The following OSBPL10 variants were observed in gnomAD, a reference collection of about 807,000 sequenced individuals.
OSBPL10 encodes oxysterol-binding protein-related protein 10.
Under a neutral mutation model 81.7 loss-of-function variants are expected in OSBPL10, and 49 were observed. That is an observed-to-expected ratio of 0.60 (90% CI 0.48 to 0.76). The LOEUF (loss-of-function observed/expected upper bound fraction) is 0.76, where lower values mean the gene tolerates loss of function less well. Ranked by LOEUF, OSBPL10 falls within the 30% of genes least tolerant of loss-of-function variation. OSBPL10 has a pLI of 0.00. For missense variants in OSBPL10, 923 were observed against 987.8 expected (o/e 0.93, Z 0.88); for synonymous variants, 419 against 383.6 (o/e 1.09, Z -1.08).
chr3:31,740,857 T>TTATACATATATA (rs1697322901), intron 5 of OSBPL10, among the ~76,000 whole-genome samples: 2 of 136,390 alleles, frequency 1.5e-5, no homozygotes, highest in Non-Finnish European at 1.5e-5. Context: ...CTACTAGAAT[T>TTATACATATATA]TATATATATA....
chr3:31,816,008 G>C (rs541466259), intron 4 of OSBPL10, among the ~76,000 whole-genome samples: 2 of 152,250 alleles, frequency 1.3e-5, no homozygotes, highest in East Asian at 3.9e-4. Context: ...AGCATCAAAG[G>C]CACCTAAGAC....
intron 8 of OSBPL10, among the ~76,000 whole-genome samples, chr3:31,682,890 G>C (rs1412200907): frequency 6.6e-6 from 1 of 152,056 alleles, no homozygotes; most frequent in Non-Finnish European, 1.5e-5. Context: ...TATCTCATGG[G>C]GTTTTGGAAG....
At chr3:31,789,604 G>A (rs1011999095) in intron 4 of OSBPL10, among the ~76,000 whole-genome samples, 6 of 152,196 alleles carry the variant, frequency 3.9e-5, no homozygotes, top group Admixed American at 3.3e-4. Flanking sequence ...CTGCCAGGCA[G>A]GGGCACTGCC....
At chr3:32,022,524 G>A (rs1699370502) in intron 2 of OSBPL10, among the ~76,000 whole-genome samples, 1 of 152,110 alleles carries the variant, frequency 6.6e-6, no homozygotes, top group Non-Finnish European at 1.5e-5. Flanking sequence ...GGTGGCTCAC[G>A]CCTGTAATCC....
chr3:32,008,760 GAAAAAA>G (rs11328847), intron 2 of OSBPL10, among the ~76,000 whole-genome samples: 1 of 114,526 alleles, frequency 8.7e-6, no homozygotes, highest in African/African-American at 3.1e-5. Flanking sequence ...ATCCTGACTG[GAAAAAA>G]AAAAAAAAAA....
intron 4 of OSBPL10, among the ~76,000 whole-genome samples, chr3:31,799,419 A>G (rs1475967951): frequency 1.3e-5 from 2 of 151,710 alleles, no homozygotes; most frequent in East Asian, 1.9e-4. Flanking sequence ...GAAGAAAGAA[A>G]GAACAAGAAT....
At chr3:31,849,195 T>G (rs1700703045) in intron 3 of OSBPL10, among the ~76,000 whole-genome samples, 2 of 152,212 alleles carry the variant, frequency 1.3e-5, no homozygotes, top group South Asian at 2.1e-4. Flanking sequence ...CCTGACCCAC[T>G]TGTCCACTGA....
intron 3 of OSBPL10, among the ~76,000 whole-genome samples, chr3:31,831,113 C>G (rs1482619860): frequency 6.6e-6 from 1 of 152,004 alleles, no homozygotes; most frequent in African/African-American, 2.4e-5. Flanking sequence ...AAAAGCTATA[C>G]CACAAAAGCT....
At chr3:31,978,320 T>C (rs548728570) in intron 1 of OSBPL10, among the ~76,000 whole-genome samples, 2 of 152,350 alleles carry the variant, frequency 1.3e-5, no homozygotes, top group African/African-American at 4.8e-5. Flanking sequence ...CTATTTGTAC[T>C]AAGGCATTTC....
At chr3:31,679,851 C>T (rs1559412167) in intron 8 of OSBPL10, among the ~76,000 whole-genome samples, 1 of 152,134 alleles carries the variant, frequency 6.6e-6, no homozygotes, top group Non-Finnish European at 1.5e-5. Flanking sequence ...ATGTTGCTCC[C>T]ATTTCTTATT....
intron 1 of OSBPL10, among the ~76,000 whole-genome samples, chr3:31,965,688 TA>T (rs373057521): frequency 0.07 from 2,858 of 40,616 alleles, 517 homozygotes; most frequent in South Asian, 0.12. Flanking sequence ...ATATATTATA[TA>T]AAATATATAA....
intron 2 of OSBPL10, among the ~76,000 whole-genome samples, chr3:32,010,669 G>A (rs897057086): frequency 3.3e-5 from 5 of 152,124 alleles, no homozygotes; most frequent in Admixed American, 3.3e-4. Flanking sequence ...AAGTGCAAGG[G>A]GTCAGGGAAT....
intron 1 of OSBPL10, among the ~76,000 whole-genome samples, chr3:31,924,165 G>A (rs1001106189): frequency 2.0e-5 from 3 of 150,242 alleles, no homozygotes; most frequent in Non-Finnish European, 4.4e-5. Flanking sequence ...GTTGCAGTGA[G>A]CTGAGATCAT....
chr3:31,855,522 T>C (rs1700886915), intron 3 of OSBPL10, among the ~76,000 whole-genome samples: 1 of 152,202 alleles, frequency 6.6e-6, no homozygotes, highest in African/African-American at 2.4e-5. Context: ...GCACAGTACA[T>C]ATTTGTCTGT....
chr3:31,812,043 T>C (rs1016723392), intron 4 of OSBPL10, among the ~76,000 whole-genome samples: 3 of 152,220 alleles, frequency 2.0e-5, no homozygotes, highest in Non-Finnish European at 4.4e-5. Flanking sequence ...TTTATTTATT[T>C]TGAGACAGAG....
intron 7 of OSBPL10, among the ~76,000 whole-genome samples, chr3:31,687,172 G>GGGA (rs754084161): frequency 1.2e-4 from 18 of 152,144 alleles, no homozygotes; most frequent in Non-Finnish European, 2.4e-4. Flanking sequence ...GGCAAGCCAG[G>GGGA]GGAGGGGAAG....
intron 6 of OSBPL10, chr3:31,704,612 T>C (rs1696001843): frequency 6.6e-6 from 1 of 152,158 alleles, no homozygotes; most frequent in Non-Finnish European, 1.5e-5. Context: ...AATTAGCTGT[T>C]CTCACCAAGA....
intron 6 of OSBPL10, among the ~76,000 whole-genome samples, chr3:31,726,253 G>C (rs1696804325): frequency 6.6e-6 from 1 of 152,050 alleles, no homozygotes; most frequent in Non-Finnish European, 1.5e-5. Context: ...CTGGCTGTGA[G>C]ATAACAGGGG....
chr3:31,929,661 T>C (rs1364467852), intron 1 of OSBPL10, among the ~76,000 whole-genome samples: 1 of 148,848 alleles, frequency 6.7e-6, no homozygotes, highest in Admixed American at 6.8e-5. Context: ...GGCAGGAGAA[T>C]GGCGTGAACC....
Sources: allele counts gnomAD v4.1 joint callset (sites outside exome capture counted in the v4.1 genomes callset), GRCh38; gene constraint gnomAD v4.1.1; transcripts MANE v1.5; gene names NCBI Gene and HGNC (gene_info 2026-07-23, HGNC 2026-07-21).